The following CAMTA1 variants were observed in gnomAD, a reference collection of about 807,000 sequenced individuals.
CAMTA1 encodes the protein calmodulin binding transcription activator 1, also known as calmodulin-binding transcription activator 1.
Under a neutral mutation model 170.9 loss-of-function variants are expected in CAMTA1, and 27 were observed. The ratio of observed to expected loss-of-function variants is 0.16; its 90% CI spans 0.12 to 0.22. CAMTA1 has a LOEUF of 0.22. Among genes scored for constraint, CAMTA1 ranks in the 10% least tolerant of loss-of-function variants. The pLI is 1.00. For missense variants in CAMTA1, 1,619 were observed against 2,217.2 expected (o/e 0.73, Z 5.42); for synonymous variants, 833 against 891.5 (o/e 0.93, Z 1.17).
chr1:7,069,473 G>A (rs911090975), intron 3 of CAMTA1, among the ~76,000 whole-genome samples: 1 of 152,156 alleles, frequency 6.6e-6, no homozygotes, highest in Admixed American at 6.5e-5. Context: ...ACGGGGCAAC[G>A]GGGCAATCAG....
At chr1:6,802,654 T>C (rs1644005073) in intron 1 of CAMTA1, among the ~76,000 whole-genome samples, 1 of 152,218 alleles carries the variant, frequency 6.6e-6, no homozygotes, top group African/African-American at 2.4e-5. Context: ...CAAGTGTCCT[T>C]GGTCAGCCAG....
intron 7 of CAMTA1, among the ~76,000 whole-genome samples, chr1:7,654,942 A>G (rs1471185115): frequency 6.7e-6 from 1 of 149,466 alleles, no homozygotes; most frequent in Non-Finnish European, 1.5e-5. Flanking sequence ...ACAAGCACAC[A>G]CCTATACACA....
At chr1:7,176,825 C>G (rs544210609) in intron 4 of CAMTA1, among the ~76,000 whole-genome samples, 1 of 152,278 alleles carries the variant, frequency 6.6e-6, no homozygotes, top group East Asian at 1.9e-4. Context: ...TGACCAGTGT[C>G]CACAGGAGAG....
chr1:7,120,844 A>C (rs1184999675), intron 4 of CAMTA1, among the ~76,000 whole-genome samples: 1 of 152,192 alleles, frequency 6.6e-6, no homozygotes, highest in Non-Finnish European at 1.5e-5. Context: ...ATTGTCTGCT[A>C]CATCTCTGAT....
intron 3 of CAMTA1, among the ~76,000 whole-genome samples, chr1:6,995,290 C>CTTTTCTT (rs1697039346): frequency 1.2e-5 from 1 of 82,280 alleles, no homozygotes; most frequent in African/African-American, 4.8e-5. Context: ...TCTTTTTTTT[C>CTTTTCTT]TTTTCTTTTT....
chr1:6,822,794 CCACACACACACACACACACA>C, intron 2 of CAMTA1, among the ~76,000 whole-genome samples: 1 of 146,486 alleles, frequency 6.8e-6, no homozygotes, highest in South Asian at 2.2e-4. Flanking sequence ...TACATAAATA[CCACACACACACACACACACA>C]CACACACACA....
At chr1:7,450,948 C>T (rs566420522) in intron 5 of CAMTA1, among the ~76,000 whole-genome samples, 1 of 152,190 alleles carries the variant, frequency 6.6e-6, no homozygotes, top group Non-Finnish European at 1.5e-5. Context: ...GGCTGCAGGA[C>T]AATCTGTTAT....
Position 7,640,436 on chromosome 1 carries a change from C to G in CAMTA1, c.547C>G (p.Pro183Ala). The G allele has an allele frequency of 6.2e-7, 1 of 1,614,138 alleles. No individual in the cohort carries two copies. The highest frequency in any genetic ancestry group is 8.5e-7 in the Non-Finnish European group (1 of 1,180,024). ...CGTCCTGGTGCACTACCTGAACGTG[C>G]CGGCCATCGAGGACTGCGGCAAGCC... ...DIVLVHYLNVPAIEDCGKPCG... is the reference protein window; with the variant it reads ...DIVLVHYLNVAAIEDCGKPCG... Residue 183 changes from proline to alanine, a missense_variant, in exon 7 of 23, where the codon CCG (proline) becomes GCG (alanine). Around this residue, in one of 8 missense-constraint regions of CAMTA1, gnomAD observed 97 missense variants for 225.4 expected, o/e 0.43. Coordinates refer to ENST00000303635, the MANE Select transcript of CAMTA1 (RefSeq NM_015215.4).
At chr1:7,321,268 T>C (rs888288718) in intron 5 of CAMTA1, among the ~76,000 whole-genome samples, 1 of 152,224 alleles carries the variant, frequency 6.6e-6, no homozygotes, top group African/African-American at 2.4e-5. Flanking sequence ...GCTGCCACTC[T>C]GACCTTGCTG....
Position 6,812,313 on chromosome 1 carries a change from C to A in CAMTA1, c.46-7868C>A, listed in dbSNP as rs568498153. Among the ~76,000 whole-genome samples, 35 of 152,270 alleles carry A rather than the reference C, an allele frequency of 2.3e-4. 1 individual carries two copies. Among genetic ancestry groups the A allele is most frequent in the Admixed American group, 3.3e-4 (5 of 15,292 alleles). Reference sequence around the variant, plus strand: ...TTGCCCAGTGCCTTGTTACCCATGTCTTGGTGTCTCCATTTCTAGAATAGG... The same window carrying A: ...TTGCCCAGTGCCTTGTTACCCATGTATTGGTGTCTCCATTTCTAGAATAGG... On this transcript the variant is annotated intron_variant, in intron 1 of 22. Coordinates refer to ENST00000303635, the MANE Select transcript of CAMTA1 (RefSeq NM_015215.4).
chr1:7,430,735 A>G (rs1008828403), intron 5 of CAMTA1, among the ~76,000 whole-genome samples: 6 of 152,222 alleles, frequency 3.9e-5, no homozygotes, highest in Non-Finnish European at 8.8e-5. Flanking sequence ...GTTCACCCAC[A>G]GGGAAGCCTG....
intron 5 of CAMTA1, among the ~76,000 whole-genome samples, chr1:7,339,909 C>T (rs2083667919): frequency 6.6e-6 from 1 of 152,150 alleles, no homozygotes. Flanking sequence ...TCATCTCACT[C>T]TCTTCTAGGC....
At chr1:7,057,560 A>G (rs1187142542) in intron 3 of CAMTA1, among the ~76,000 whole-genome samples, 2 of 152,178 alleles carry the variant, frequency 1.3e-5, no homozygotes, top group Non-Finnish European at 2.9e-5. Flanking sequence ...GTGCCTGGGA[A>G]GATGTCCAGC....
intron 3 of CAMTA1, chr1:6,834,548 T>G (rs1281521024): frequency 1.7e-5 from 4 of 237,388 alleles, no homozygotes; most frequent in Non-Finnish European, 3.3e-5. Context: ...GTGGTAGGCC[T>G]TCACGCCACA....
intron 5 of CAMTA1, among the ~76,000 whole-genome samples, chr1:7,453,194 T>C (rs548403281): frequency 6.6e-6 from 1 of 152,222 alleles, no homozygotes; most frequent in Admixed American, 6.5e-5. Flanking sequence ...TGTGGAATCG[T>C]GTCCAGCGGC....
intron 6 of CAMTA1, among the ~76,000 whole-genome samples, chr1:7,614,327 G>T (rs1221033962): frequency 6.6e-6 from 1 of 151,990 alleles, no homozygotes; most frequent in African/African-American, 2.4e-5. Context: ...TCCCATTCTA[G>T]CCTCAGCCAC....
intron 11 of CAMTA1, among the ~76,000 whole-genome samples, chr1:7,684,215 G>T (rs2096239089): frequency 6.6e-6 from 1 of 152,222 alleles, no homozygotes; most frequent in African/African-American, 2.4e-5. Flanking sequence ...AGGAAGCAAA[G>T]TTGACTCTGT....
At chr1:6,920,509 C>T (rs1050014522) in intron 3 of CAMTA1, among the ~76,000 whole-genome samples, 4 of 152,248 alleles carry the variant, frequency 2.6e-5, no homozygotes, top group Non-Finnish European at 5.9e-5. Context: ...GGATGGTGAC[C>T]CTCTTCTCAC....
chr1:7,494,120 T>C (rs1473545476), intron 6 of CAMTA1, among the ~76,000 whole-genome samples: 2 of 149,486 alleles, frequency 1.3e-5, no homozygotes, highest in Non-Finnish European at 3.0e-5. Context: ...GCAGATTTCA[T>C]GGACTGCGAT....
Sources: allele counts gnomAD v4.1 joint callset (sites outside exome capture counted in the v4.1 genomes callset), GRCh38; gene constraint gnomAD v4.1.1; regional missense constraint gnomAD v4.1.1; transcripts MANE v1.5; gene names NCBI Gene and HGNC (gene_info 2026-07-23, HGNC 2026-07-21).